Variants in WWC2 observed in about 807,000 individuals in gnomAD.
WWC2 encodes protein WWC2.
WWC2 carries 101 observed loss-of-function variants against 138.5 expected under a neutral mutation model. The observed-to-expected ratio is 0.73, with a 90% CI of 0.62 to 0.86. The LOEUF (loss-of-function observed/expected upper bound fraction) is 0.86. WWC2 is among the 40% of genes least tolerant of loss of function. The pLI is 0.00. For missense variants in WWC2, 1,420 were observed against 1,419.4 expected, an observed-to-expected ratio of 1.00 and a Z score of -0.01; for synonymous variants, 558 against 538.4, an observed-to-expected ratio of 1.04 and a Z score of -0.50.
At chr4:183,136,296 G>A (rs1733111264) in intron 1 of WWC2, among the ~76,000 whole-genome samples, 1 of 151,538 alleles carries the variant, frequency 6.6e-6, no homozygotes, top group Non-Finnish European at 1.5e-5. Flanking sequence ...TCATTTCTTT[G>A]TCTTTTGGGG....
chr4:183,137,866 T>C (rs1733172454), intron 1 of WWC2, among the ~76,000 whole-genome samples: 1 of 152,204 alleles, frequency 6.6e-6, no homozygotes. Flanking sequence ...GTTGTTACTG[T>C]GTGATAACGC....
intron 19 of WWC2, 115 bp downstream of exon 19, chr4:183,284,505 A>G: frequency 8.7e-7 from 1 of 1,151,064 alleles, no homozygotes. Context: ...GACAACGACA[A>G]ATGCTAGAAA....
intron 2 of WWC2, among the ~76,000 whole-genome samples, chr4:183,207,538 A>T (rs1735480524): frequency 6.6e-6 from 1 of 152,206 alleles, no homozygotes; most frequent in Non-Finnish European, 1.5e-5. Flanking sequence ...GTTGGTCTGC[A>T]GAGTAGACCA....
intron 1 of WWC2, among the ~76,000 whole-genome samples, chr4:183,106,822 T>C (rs1426778738): frequency 6.6e-6 from 1 of 152,148 alleles, no homozygotes; most frequent in Non-Finnish European, 1.5e-5. Context: ...GTACTTTCAT[T>C]AGCTGATGTG....
At chr4:183,223,252 G>A (rs1246679875) in intron 4 of WWC2, among the ~76,000 whole-genome samples, 1 of 152,218 alleles carries the variant, frequency 6.6e-6, no homozygotes, top group East Asian at 1.9e-4. Flanking sequence ...CTGTGTAAGT[G>A]TACTCTGTGA....
chr4:183,150,794 C>G (rs1733616384), intron 1 of WWC2, among the ~76,000 whole-genome samples: 1 of 152,076 alleles, frequency 6.6e-6, no homozygotes, highest in South Asian at 2.1e-4. Context: ...GTTTTCTGTC[C>G]TTGCGAAAAC....
chr4:183,232,247 AT>A (rs1736266956), intron 4 of WWC2, among the ~76,000 whole-genome samples: 1 of 152,082 alleles, frequency 6.6e-6, no homozygotes, highest in Admixed American at 6.5e-5. Context: ...TTGCTAGTTT[AT>A]TTTTTTAATT....
chr4:183,105,812 C>T (rs1743335084), intron 1 of WWC2, among the ~76,000 whole-genome samples: 1 of 151,638 alleles, frequency 6.6e-6, no homozygotes, highest in African/African-American at 2.4e-5. Context: ...ATGGCGTGAA[C>T]CCGGGAAGCG....
In WWC2 at chr4:183,277,919, T is replaced by C. The variant is rs1322204881; in HGVS notation, c.2563-2857T>C. 6.0e-5 allele frequency among the ~76,000 whole-genome samples: 9 copies of C among 149,764 alleles called. No homozygotes were observed. The South Asian group carries it at 8.5e-4, about 14-fold the overall frequency. Reference sequence around the variant, plus strand: ...TAGGTTGCAAAAATTTTCTCCCATTTTGTAGGTTGCCTGTTCACTCTGATG... The same window carrying C: ...TAGGTTGCAAAAATTTTCTCCCATTCTGTAGGTTGCCTGTTCACTCTGATG... On this transcript the variant is annotated intron_variant, in intron 16 of 22. Coordinates refer to ENST00000403733, the MANE Select transcript of WWC2 (RefSeq NM_024949.6).
At chr4:183,122,622 C>T (rs952600265) in intron 1 of WWC2, among the ~76,000 whole-genome samples, 11 of 152,190 alleles carry the variant, frequency 7.2e-5, no homozygotes, top group East Asian at 1.9e-4. Context: ...CAGGCTCAAG[C>T]GATTCTCGTG....
chr4:183,281,957 T>C (rs1738090506), intron 17 of WWC2, among the ~76,000 whole-genome samples: 1 of 152,228 alleles, frequency 6.6e-6, no homozygotes, highest in South Asian at 2.1e-4. Flanking sequence ...TCCCCTTGTG[T>C]TCACTTCATG....
At chr4:183,250,995 A>T (rs930662578) in intron 8 of WWC2, among the ~76,000 whole-genome samples, 8 of 152,200 alleles carry the variant, frequency 5.3e-5, no homozygotes, top group African/African-American at 1.9e-4. Flanking sequence ...TCTTAATATT[A>T]CTTGGTTCCT....
intron 4 of WWC2, among the ~76,000 whole-genome samples, chr4:183,228,526 A>G (rs990315597): frequency 2.6e-5 from 4 of 152,096 alleles, no homozygotes; most frequent in Non-Finnish European, 5.9e-5. Context: ...AACTGACCAT[A>G]TTTGGGCCAT....
intron 1 of WWC2, among the ~76,000 whole-genome samples, chr4:183,126,325 C>T (rs576581067): frequency 6.6e-6 from 1 of 152,332 alleles, no homozygotes; most frequent in Admixed American, 6.5e-5. Flanking sequence ...GACAGTCTTG[C>T]TACTGAGAGC....
At chr4:183,161,499 A>G (rs995661324) in intron 1 of WWC2, among the ~76,000 whole-genome samples, 1 of 152,228 alleles carries the variant, frequency 6.6e-6, no homozygotes, top group Non-Finnish European at 1.5e-5. Context: ...TGTTTACCAC[A>G]CTGTGCAAAT....
intron 2 of WWC2, among the ~76,000 whole-genome samples, chr4:183,196,518 A>T (rs768515437): frequency 1.1e-4 from 17 of 152,204 alleles, no homozygotes; most frequent in Admixed American, 2.6e-4. Context: ...AACTTCAGTT[A>T]CTTCCTTCAG....
chr4:183,222,988 T>C (rs775860818), intron 4 of WWC2, among the ~76,000 whole-genome samples: 3 of 152,006 alleles, frequency 2.0e-5, no homozygotes, highest in African/African-American at 4.8e-5. Flanking sequence ...AATAAAAATA[T>C]AGTTACGTGC....
intron 10 of WWC2, among the ~76,000 whole-genome samples, chr4:183,260,609 T>G (rs1025056894): frequency 3.9e-5 from 6 of 152,346 alleles, no homozygotes; most frequent in East Asian, 1.9e-4. Context: ...GTTCGTAGCC[T>G]GGGAGCAATA....
chr4:183,100,075 G>C (rs1743122375), intron 1 of WWC2, among the ~76,000 whole-genome samples: 1 of 152,228 alleles, frequency 6.6e-6, no homozygotes, highest in Non-Finnish European at 1.5e-5. Flanking sequence ...GCGGGAGCCT[G>C]GGCTGCGAGC....
Sources: gnomAD v4.1 joint callset for allele counts (sites outside exome capture counted in the v4.1 genomes callset) on GRCh38, gnomAD v4.1.1 for gene constraint, MANE v1.5 for transcripts, NCBI Gene and HGNC (gene_info 2026-07-23, HGNC 2026-07-21) for gene names.